The following PDZD2 variants were observed in gnomAD, a reference collection of about 807,000 sequenced individuals.
PDZD2 encodes the protein PDZ domain containing 2.
In PDZD2, 90 loss-of-function variants were observed where a neutral mutation model predicts 220.7. The ratio of observed to expected loss-of-function variants is 0.41; its 90% CI spans 0.34 to 0.49. PDZD2 has a LOEUF of 0.49. Among genes scored for constraint, PDZD2 ranks in the 20% least tolerant of loss-of-function variants. The probability of loss-of-function intolerance (pLI) is 0.28; values close to 1 mark genes in which losing one functional copy is unlikely to be tolerated. For synonymous variants in PDZD2, 1,375 were observed against 1,450.5 expected, an observed-to-expected ratio of 0.95 and a Z score of 1.18; for missense variants, 3,174 against 3,608.5, an observed-to-expected ratio of 0.88 and a Z score of 3.08.
rs1354388756 is a variant in PDZD2, at chr5:31,911,064, T to C, written c.477-72091T>C. Among the ~76,000 whole-genome samples, 4 of 152,328 alleles carry C rather than the reference T, an allele frequency of 2.6e-5. No homozygotes were observed. The East Asian group carries it at 7.7e-4, about 29-fold the overall frequency. ...ATATAATTGAAAGAGGTTCATAATATAATTTGTACAGACTCAAATATGTAA... is the reference window on the plus strand; with the variant it reads ...ATATAATTGAAAGAGGTTCATAATACAATTTGTACAGACTCAAATATGTAA... On this transcript the variant is annotated intron_variant, in intron 2 of 24. Coordinates refer to ENST00000438447, the MANE Select transcript of PDZD2 (RefSeq NM_178140.4).
intron 2 of PDZD2, among the ~76,000 whole-genome samples, chr5:31,909,864 A>G (rs1743013337): frequency 6.6e-6 from 1 of 152,190 alleles, no homozygotes; most frequent in Non-Finnish European, 1.5e-5. Flanking sequence ...ATTATTTGAA[A>G]GACTGTAATA....
chr5:31,710,823 A>G (rs1372371956), intron 1 of PDZD2, among the ~76,000 whole-genome samples: 4 of 151,758 alleles, frequency 2.6e-5, no homozygotes, highest in African/African-American at 9.6e-5. Flanking sequence ...TCTTGAAAAA[A>G]AAAAAAAAAA....
intron 2 of PDZD2, among the ~76,000 whole-genome samples, chr5:31,802,587 A>G (rs1754454365): frequency 6.6e-6 from 1 of 152,226 alleles, no homozygotes; most frequent in Admixed American, 6.5e-5. Flanking sequence ...TGGCTGTTCT[A>G]TAACATACCT....
At chr5:32,036,603 G>A (rs1755576684) in intron 6 of PDZD2, among the ~76,000 whole-genome samples, 2 of 152,178 alleles carry the variant, frequency 1.3e-5, no homozygotes, top group Admixed American at 1.3e-4. Context: ...TTCCAGATGT[G>A]TGGGCTGACC....
intron 2 of PDZD2, among the ~76,000 whole-genome samples, chr5:31,826,280 G>A (rs892795871): frequency 4.6e-4 from 70 of 152,090 alleles, no homozygotes; most frequent in Admixed American, 4.5e-3. Context: ...CAATGCCACC[G>A]TGGTGGGGAG....
At position 32,109,231 on chromosome 5, in the gene PDZD2, T is replaced by C. The variant is rs1745126151; in HGVS notation, c.*1096T>C. On this transcript the variant is annotated 3_prime_UTR_variant, in exon 25 of 25. Transcript: ENST00000438447. ...TGGTTTTTTTCCCTCTTTCCCAACA[T>C]GTTTAAGAAATGTAACATTCTAAGT... 1 of 152,222 alleles carries C rather than the reference T, an allele frequency of 6.6e-6. No homozygotes were observed. The allele number at this position is 152,222 out of a possible 1,614,324, so 9.4% of individuals were successfully genotyped here. A position where few individuals can be genotyped will look rare whatever the true frequency, so the allele number is the denominator to read the frequency against.
intron 2 of PDZD2, among the ~76,000 whole-genome samples, chr5:31,816,643 A>T (rs1449545253): frequency 6.6e-6 from 1 of 152,192 alleles, no homozygotes; most frequent in African/African-American, 2.4e-5. Context: ...TTATATTTTT[A>T]AATCTTCCAA....
intron 1 of PDZD2, chr5:31,725,664 C>G: frequency 9.7e-7 from 1 of 1,035,374 alleles, no homozygotes; most frequent in Non-Finnish European, 1.5e-6. Context: ...TTGAGCCAGA[C>G]TTGTAATGTG....
At chr5:32,025,907 TCTTA>T (rs1174093007) in intron 6 of PDZD2, among the ~76,000 whole-genome samples, 2 of 152,044 alleles carry the variant, frequency 1.3e-5, no homozygotes, top group Admixed American at 1.3e-4. Flanking sequence ...GGCCACGATG[TCTTA>T]CTTTTCACCT....
intron 2 of PDZD2, among the ~76,000 whole-genome samples, chr5:31,964,943 C>T (rs1455168395): frequency 1.3e-5 from 2 of 152,070 alleles, no homozygotes; most frequent in African/African-American, 2.4e-5. Flanking sequence ...AGGATGGTCT[C>T]GATCTCCTGA....
chr5:32,072,065 A>T (rs1257230098), intron 16 of PDZD2, 96 bp from the exon 17 acceptor site: 8 of 840,234 alleles, frequency 9.5e-6, no homozygotes, highest in Non-Finnish European at 1.5e-5. Context: ...ACCGTTGATT[A>T]GAACGAAGTG....
intron 1 of PDZD2, among the ~76,000 whole-genome samples, chr5:31,667,530 A>C (rs1746042900): frequency 2.0e-5 from 3 of 152,138 alleles, no homozygotes; most frequent in Admixed American, 2.0e-4. Flanking sequence ...TGAGAAAGTG[A>C]CAATGAGGAG....
chr5:32,064,518 C>T (rs1009967615), intron 14 of PDZD2, among the ~76,000 whole-genome samples: 3 of 151,982 alleles, frequency 2.0e-5, no homozygotes, highest in African/African-American at 7.2e-5. Context: ...GCTGGGATTA[C>T]TAGCATGAGC....
chr5:31,796,847 A>C (rs1754055974), intron 1 of PDZD2, among the ~76,000 whole-genome samples: 1 of 151,998 alleles, frequency 6.6e-6, no homozygotes, highest in South Asian at 2.1e-4. Context: ...ACTACTCTTC[A>C]GTTTGGTTTT....
At chr5:31,879,785 G>GA (rs1351847729) in intron 2 of PDZD2, among the ~76,000 whole-genome samples, 16 of 151,276 alleles carry the variant, frequency 1.1e-4, no homozygotes, top group African/African-American at 3.9e-4. Flanking sequence ...TTAGATAGAG[G>GA]AAAAAATGTT....
At chr5:31,868,611 A>G (rs547648590) in intron 2 of PDZD2, among the ~76,000 whole-genome samples, 52 of 152,230 alleles carry the variant, frequency 3.4e-4, no homozygotes, top group African/African-American at 1.1e-3. Flanking sequence ...GTTCATTACT[A>G]TGCCGACCGT....
At chr5:31,757,332 C>T (rs779108743) in intron 1 of PDZD2, among the ~76,000 whole-genome samples, 1 of 152,230 alleles carries the variant, frequency 6.6e-6, no homozygotes, top group Non-Finnish European at 1.5e-5. Context: ...TGGCTCACGC[C>T]GGTAATCCCA....
At chr5:32,085,449 A>ATTTTT (rs760556899) in intron 19 of PDZD2, among the ~76,000 whole-genome samples, 2 of 146,864 alleles carry the variant, frequency 1.4e-5, no homozygotes. Context: ...ATACCTTATT[A>ATTTTT]TTATTTTTTT....
chr5:31,894,608 CT>C (rs1454339656), intron 2 of PDZD2, among the ~76,000 whole-genome samples: 1 of 152,204 alleles, frequency 6.6e-6, no homozygotes, highest in Non-Finnish European at 1.5e-5. Context: ...TTCCAGACCC[CT>C]GTCCGCATGT....
Sources: gnomAD v4.1 joint callset for allele counts (sites outside exome capture counted in the v4.1 genomes callset) on GRCh38, gnomAD v4.1.1 for gene constraint, MANE v1.5 for transcripts, NCBI Gene and HGNC (gene_info 2026-07-23, HGNC 2026-07-21) for gene names.